The following EXT1 variants were observed in gnomAD, a reference collection of about 807,000 sequenced individuals.
The protein encoded by EXT1 is exostosin glycosyltransferase 1.
A neutral mutation model predicts 82.5 loss-of-function variants in EXT1; 20 were observed. The ratio of observed to expected loss-of-function variants is 0.24; its 90% confidence interval spans 0.17 to 0.35. The LOEUF (loss-of-function observed/expected upper bound fraction) is 0.35. EXT1 is among the 10% of genes least tolerant of loss of function. EXT1 has a pLI of 1.00. For synonymous variants in EXT1, 348 were observed against 350.8 expected (o/e 0.99, Z 0.09); for missense variants, 757 against 936.5 (o/e 0.81, Z 2.50).
rs188775617 is a variant in EXT1, at chr8:117,937,126, T to G, written c.963-99925A>C. ...ACACCATTTAGCTCCTTCAAATACC[T>G]TTTTTAGATTTATGCTTGTTTGGCA... is the stretch of plus-strand genomic sequence containing the variant. On this transcript the variant is annotated intron_variant, in intron 1 of 10. Coordinates refer to ENST00000378204, the MANE Select transcript of EXT1 (RefSeq NM_000127.3). 2.0e-5 allele frequency among the ~76,000 whole-genome samples: 3 copies of G among 152,306 alleles called. No homozygotes were observed. In the East Asian group the frequency reaches 5.8e-4, roughly 29 times the overall value.
intron 1 of EXT1, among the ~76,000 whole-genome samples, chr8:118,008,720 C>T (rs1403425187): frequency 1.3e-5 from 2 of 152,038 alleles, no homozygotes; most frequent in Non-Finnish European, 2.9e-5. Context: ...TACATTGTTT[C>T]TAATCTTTTC....
At chr8:118,019,188 C>T (rs1816055533) in intron 1 of EXT1, among the ~76,000 whole-genome samples, 1 of 151,664 alleles carries the variant, frequency 6.6e-6, no homozygotes, top group African/African-American at 2.4e-5. Context: ...CTTTGATTTC[C>T]CTAACTTTGA....
intron 1 of EXT1, among the ~76,000 whole-genome samples, chr8:117,911,714 C>A (rs1250235593): frequency 6.6e-6 from 1 of 152,174 alleles, no homozygotes; most frequent in Non-Finnish European, 1.5e-5. Context: ...CAAAAAGTGC[C>A]AGGTTCGAGG....
intron 1 of EXT1, among the ~76,000 whole-genome samples, chr8:117,960,965 A>C (rs985925611): frequency 1.3e-5 from 2 of 152,206 alleles, no homozygotes; most frequent in Non-Finnish European, 2.9e-5. Flanking sequence ...CTAGTATCAA[A>C]AAAAGAAGAA....
chr8:117,912,739 T>G (rs1311536699), intron 1 of EXT1, among the ~76,000 whole-genome samples: 1 of 152,180 alleles, frequency 6.6e-6, no homozygotes, highest in Non-Finnish European at 1.5e-5. Context: ...AGAAAGCATA[T>G]ACATATAATG....
At chr8:117,961,178 T>C (rs904443787) in intron 1 of EXT1, among the ~76,000 whole-genome samples, 2 of 152,202 alleles carry the variant, frequency 1.3e-5, no homozygotes, top group Admixed American at 6.5e-5. Context: ...TCTCTCTCTT[T>C]CTTTTTTTTT....
At chr8:117,875,215 G>C (rs755812138) in intron 1 of EXT1, among the ~76,000 whole-genome samples, 2 of 151,970 alleles carry the variant, frequency 1.3e-5, no homozygotes, top group Non-Finnish European at 2.9e-5. Context: ...TCAGGAGTTC[G>C]AGACCAGCCT....
intron 1 of EXT1, among the ~76,000 whole-genome samples, chr8:117,932,371 C>G (rs1349796563): frequency 1.3e-5 from 2 of 152,098 alleles, no homozygotes; most frequent in Admixed American, 1.3e-4. Context: ...ATATTTTGTT[C>G]ACAGAAGACT....
At chr8:118,065,794 T>C (rs142815939) in intron 1 of EXT1, among the ~76,000 whole-genome samples, 45 of 152,350 alleles carry the variant, frequency 3.0e-4, no homozygotes, top group African/African-American at 1.0e-3. Context: ...ATTTAGTGGG[T>C]GGGCATTTTT....
At chr8:117,825,204 A>G (rs1018630277) in intron 4 of EXT1, among the ~76,000 whole-genome samples, 3 of 152,194 alleles carry the variant, frequency 2.0e-5, no homozygotes, top group African/African-American at 7.2e-5. Flanking sequence ...GTCAAAGGGT[A>G]TAAATACTTT....
Position 117,824,525 on chromosome 8 carries a change from T to C in EXT1, c.1285-1928A>G, listed in dbSNP as rs530732922. ...CACCTTTGTGTATTATTTTCCTCAT[T>C]TGTAATAAAACAATAAAATACCACA... On this transcript the variant is annotated intron_variant, in intron 4 of 10. Coordinates refer to ENST00000378204, the MANE Select transcript of EXT1 (RefSeq NM_000127.3). Among the ~76,000 whole-genome samples the C allele has an allele frequency of 6.6e-5, 10 of 152,320 alleles. No individual in the cohort carries two copies. In the East Asian group the frequency reaches 1.7e-3, roughly 26 times the overall value.
chr8:118,102,556 A>C (rs1817738408), intron 1 of EXT1, among the ~76,000 whole-genome samples: 1 of 152,324 alleles, frequency 6.6e-6, no homozygotes, highest in Admixed American at 6.5e-5. Flanking sequence ...CCAATACATA[A>C]GTGTCTGGCA....
chr8:118,054,684 G>A (rs191067944), intron 1 of EXT1, among the ~76,000 whole-genome samples: 1 of 152,124 alleles, frequency 6.6e-6, no homozygotes, highest in Non-Finnish European at 1.5e-5. Context: ...GGAAAACCAG[G>A]ATTGAAACCC....
intron 1 of EXT1, among the ~76,000 whole-genome samples, chr8:118,031,566 T>G (rs1816319900): frequency 1.3e-5 from 2 of 152,000 alleles, no homozygotes; most frequent in African/African-American, 4.8e-5. Flanking sequence ...GGGAAAAATC[T>G]TACTTAAAGT....
At chr8:117,801,244 C>T (rs183442784) in intron 10 of EXT1, among the ~76,000 whole-genome samples, 2 of 152,358 alleles carry the variant, frequency 1.3e-5, no homozygotes, top group Admixed American at 6.5e-5. Flanking sequence ...AATCTCACCA[C>T]AATCTGGTGA....
Position 117,807,456 on chromosome 8 carries a change from T to G in EXT1, c.1723-79A>C, listed in dbSNP as rs942982976. 26 of 1,522,194 alleles carry G rather than the reference T, an allele frequency of 1.7e-5. No homozygotes were observed. The African/African-American group carries it at 3.1e-4, about 18-fold the overall frequency. The allele number at this position is 1,522,194 out of a possible 1,614,324, so 94.3% of individuals were successfully genotyped here. On this transcript the variant is annotated intron_variant, in intron 8 of 10. Transcript: ENST00000378204. ...CAAAACATTACCTTCTCCCCACTAATTCATAATGCAAAATCCGGGGACTGT... is the reference window on the plus strand; with the variant it reads ...CAAAACATTACCTTCTCCCCACTAAGTCATAATGCAAAATCCGGGGACTGT...
At chr8:117,976,196 A>T (rs368066227) in intron 1 of EXT1, among the ~76,000 whole-genome samples, 3 of 152,240 alleles carry the variant, frequency 2.0e-5, no homozygotes, top group East Asian at 3.8e-4. Flanking sequence ...CACAATTCTC[A>T]GTATGTAAAT....
chr8:118,101,540 A>C (rs1817719201), intron 1 of EXT1, among the ~76,000 whole-genome samples: 1 of 152,254 alleles, frequency 6.6e-6, no homozygotes, highest in Admixed American at 6.5e-5. Context: ...GCATACAATT[A>C]GCTAGAAGAG....
intron 1 of EXT1, among the ~76,000 whole-genome samples, chr8:118,105,104 G>A (rs1433327019): frequency 1.3e-5 from 2 of 152,162 alleles, no homozygotes; most frequent in Non-Finnish European, 2.9e-5. Flanking sequence ...AGCCTGAGAA[G>A]ACACCTTCAA....
Sources: gnomAD v4.1 joint callset for allele counts (sites outside exome capture counted in the v4.1 genomes callset) on GRCh38, gnomAD v4.1.1 for gene constraint, MANE v1.5 for transcripts, NCBI Gene and HGNC (gene_info 2026-07-23, HGNC 2026-07-21) for gene names.